The following EVC2 variants were observed in gnomAD, a reference collection of about 807,000 sequenced individuals.
EVC2 encodes the protein limbin.
Under a neutral mutation model 149.3 loss-of-function variants are expected in EVC2, and 148 were observed. That is an observed-to-expected ratio of 0.99 (90% CI 0.87 to 1.14). EVC2 has a LOEUF of 1.14. Among genes scored for constraint, EVC2 ranks in the 50% most tolerant of loss-of-function variants. The probability of loss-of-function intolerance (pLI) is 0.00; values close to 1 mark genes in which losing one functional copy is unlikely to be tolerated. For synonymous variants in EVC2, 776 were observed against 649.9 expected, an observed-to-expected ratio of 1.19 and a Z score of -2.95; for missense variants, 1,854 against 1,627.3, an observed-to-expected ratio of 1.14 and a Z score of -2.40.
chr4:5,659,768 G>C (rs533538869), intron 9 of EVC2, among the ~76,000 whole-genome samples: 5 of 152,060 alleles, frequency 3.3e-5, no homozygotes, highest in Non-Finnish European at 4.4e-5. Flanking sequence ...AGAAAGACTC[G>C]GCTTCTTATG....
chr4:5,544,913 C>G (rs1484608375), intron 21 of EVC2, among the ~76,000 whole-genome samples: 2 of 152,216 alleles, frequency 1.3e-5, no homozygotes, highest in Middle Eastern at 3.2e-3. Flanking sequence ...AGCCTCCTCA[C>G]TCCTGTCTCT....
chr4:5,627,467 A>G (rs1451417732), intron 12 of EVC2, among the ~76,000 whole-genome samples: 1 of 152,182 alleles, frequency 6.6e-6, no homozygotes, highest in African/African-American at 2.4e-5. Flanking sequence ...CATAATTTGC[A>G]CCTTACGGAA....
At position 5,614,507 on chromosome 4, in the gene EVC2, C is replaced by T. The variant is rs1275097143; in HGVS notation, c.2829+915G>A. Among the ~76,000 whole-genome samples the T allele has an allele frequency of 2.6e-5, 4 of 152,038 alleles. No individual in the cohort carries two copies. The highest frequency in any genetic ancestry group is 3.9e-4 in the East Asian group (2 of 5,172). Reference sequence around the variant, plus strand: ...AATGAGTGGGAGAATCTACGGTGTTCGGGTAAGGCTTCTTGGAAGGGGAGA... The same window carrying T: ...AATGAGTGGGAGAATCTACGGTGTTTGGGTAAGGCTTCTTGGAAGGGGAGA... On this transcript the variant is annotated intron_variant, in intron 16 of 21. Transcript: ENST00000344408. This position sits in a 1 kb window ranked among gnomAD's most constrained non-coding sequence, Gnocchi z 4.7.
chr4:5,662,396 T>C (rs1052786517), intron 9 of EVC2, among the ~76,000 whole-genome samples: 3 of 145,050 alleles, frequency 2.1e-5, no homozygotes, highest in East Asian at 3.9e-4. Flanking sequence ...AACTTAAAAG[T>C]TAAAAATAAA....
chr4:5,666,298 T>G (rs1464932739), intron 7 of EVC2, among the ~76,000 whole-genome samples: 1 of 152,072 alleles, frequency 6.6e-6, no homozygotes, highest in African/African-American at 2.4e-5. Flanking sequence ...AACTACAAAT[T>G]TTAAAAGACA....
chr4:5,647,087 T>C (rs576648860), intron 9 of EVC2, among the ~76,000 whole-genome samples: 11 of 152,324 alleles, frequency 7.2e-5, no homozygotes, highest in Admixed American at 5.9e-4. Flanking sequence ...TGCATCTCCC[T>C]GCACCTGACC....
chr4:5,529,392 C>T, the EVC2 span, among the ~76,000 whole-genome samples: 3 of 152,150 alleles, frequency 2.0e-5, no homozygotes, highest in Non-Finnish European at 2.9e-5. This position sits in a 1 kb window ranked among gnomAD's most constrained non-coding sequence, Gnocchi z 4.5. Context: ...ACCAAGTCTT[C>T]GTGATATAAT....
rs141291301 is a variant in EVC2 at position 5,579,121 on chromosome 4, C to T, written c.3058-2667G>A. On this transcript the variant is annotated intron_variant, in intron 17 of 21. Coordinates refer to ENST00000344408, the MANE Select transcript of EVC2 (RefSeq NM_147127.5). ...AGCTGGGGATGGGGCTGTGAATCAT[C>T]ACTTTTATTTTTCAGAAACATCCCC... is the stretch of plus-strand genomic sequence containing the variant. Among the ~76,000 whole-genome samples the T allele has an allele frequency of 5.9e-3, 899 of 152,154 alleles. 3 individuals carry two copies. Among genetic ancestry groups the T allele is most frequent in the Middle Eastern group, 0.01 (3 of 294 alleles).
At chr4:5,602,693 A>G (rs1020761425) in intron 16 of EVC2, among the ~76,000 whole-genome samples, 3 of 152,210 alleles carry the variant, frequency 2.0e-5, no homozygotes, top group African/African-American at 7.2e-5. Context: ...CATGCTTATA[A>G]TCATAGAAGC....
In EVC2 at chr4:5,695,176, C is replaced by T. The variant is rs575306391; in HGVS notation, c.284-675G>A. ...TATCCTGGCCAACATGGTGAAACCC[C>T]GTCTCTACTAAAATACAAAAAATTA... On this transcript the variant is annotated intron_variant, in intron 2 of 21. Transcript: ENST00000344408. Among the ~76,000 whole-genome samples the T allele has an allele frequency of 2.0e-4, 30 of 151,960 alleles. No homozygotes were observed. The East Asian group carries it at 5.4e-3, about 28-fold the overall frequency.
At chr4:5,687,158 G>A (rs1720774487) in intron 5 of EVC2, among the ~76,000 whole-genome samples, 1 of 152,146 alleles carries the variant, frequency 6.6e-6, no homozygotes, top group Non-Finnish European at 1.5e-5. Context: ...TTGGGAGGCT[G>A]AGGCAGGAGA....
At chr4:5,676,335 G>C (rs1023358858) in intron 7 of EVC2, among the ~76,000 whole-genome samples, 10 of 152,202 alleles carry the variant, frequency 6.6e-5, no homozygotes, top group Non-Finnish European at 1.3e-4. Context: ...AGGAGACAAT[G>C]GGGTAGCTCC....
intron 9 of EVC2, among the ~76,000 whole-genome samples, chr4:5,656,781 G>T (rs1194436199): frequency 6.6e-6 from 1 of 152,202 alleles, no homozygotes; most frequent in African/African-American, 2.4e-5. Flanking sequence ...CTGGCCTCCA[G>T]AACAGTGACA....
At chr4:5,577,513 G>A (rs1019659532) in intron 17 of EVC2, among the ~76,000 whole-genome samples, 3 of 152,168 alleles carry the variant, frequency 2.0e-5, no homozygotes, top group Non-Finnish European at 4.4e-5. Flanking sequence ...ACTTCACCAT[G>A]AGAGGGTGGT....
Position 5,648,049 on chromosome 4 carries a change from G to A in EVC2, c.1146-7211C>T, listed in dbSNP as rs539575555. Among the ~76,000 whole-genome samples, 11 of 152,288 alleles carry A rather than the reference G, an allele frequency of 7.2e-5. No individual in the cohort carries two copies. The East Asian group carries it at 2.1e-3, about 29-fold the overall frequency. ...TTTTTTTAATTGACAAGTAACAGAT[G>A]TATACATTTTCTGGGCCCATGTGAT... is the stretch of plus-strand genomic sequence containing the variant. On this transcript the variant is annotated intron_variant, in intron 9 of 21. Coordinates refer to ENST00000344408, the MANE Select transcript of EVC2 (RefSeq NM_147127.5).
intron 9 of EVC2, among the ~76,000 whole-genome samples, chr4:5,645,458 G>T (rs773100556): frequency 6.6e-6 from 1 of 152,062 alleles, no homozygotes; most frequent in Non-Finnish European, 1.5e-5. Flanking sequence ...TCCCCTCCAT[G>T]TGTACATGTG....
intron 7 of EVC2, among the ~76,000 whole-genome samples, chr4:5,680,080 C>T (rs191437778): frequency 2.0e-3 from 303 of 152,246 alleles, no homozygotes; most frequent in African/African-American, 7.0e-3. Context: ...ACTGGAAGGT[C>T]TTCAGAGGCA....
At chr4:5,620,711 C>T (rs1398291430) in intron 14 of EVC2, among the ~76,000 whole-genome samples, 7 of 152,168 alleles carry the variant, frequency 4.6e-5, no homozygotes, top group Non-Finnish European at 7.3e-5. Flanking sequence ...TCTCTGATAG[C>T]CAAGTGAGAG....
At chr4:5,535,601 A>AGAGAGAGAGAGAG in the EVC2 span, among the ~76,000 whole-genome samples, 1 of 118,256 alleles carries the variant, frequency 8.5e-6, no homozygotes, top group East Asian at 2.9e-4. The surrounding 1 kb of genome is among the most constrained non-coding windows in gnomAD (Gnocchi z 4.7). Flanking sequence ...CATGCTTAGA[A>AGAGAGAGAGAGAG]AGAGAGAGAG....
Sources: allele counts gnomAD v4.1 joint callset (sites outside exome capture counted in the v4.1 genomes callset), GRCh38; gene constraint gnomAD v4.1.1; non-coding constraint Gnocchi (gnomAD v3.1); transcripts MANE v1.5; gene names NCBI Gene and HGNC (gene_info 2026-07-23, HGNC 2026-07-21).